GRM8: variants seen among roughly 807,000 people sequenced by gnomAD.
The protein encoded by GRM8 is glutamate metabotropic receptor 8, also known as metabotropic glutamate receptor 8.
Under a neutral mutation model 87.2 loss-of-function variants are expected in GRM8, and 47 were observed. The ratio of observed to expected loss-of-function variants is 0.54; its 90% CI spans 0.43 to 0.69. The LOEUF (loss-of-function observed/expected upper bound fraction) is 0.69, where lower values mean the gene tolerates loss of function less well. Ranked by LOEUF, GRM8 falls within the 30% of genes least tolerant of loss-of-function variation. The pLI is 0.00. For missense variants in GRM8, 1,019 were observed against 1,139.2 expected (o/e 0.89, Z 1.52); for synonymous variants, 396 against 404.5 (o/e 0.98, Z 0.25).
rs182926851 is a variant in GRM8, at chr7:127,156,533, T to C, written c.511-49821A>G. Among the ~76,000 whole-genome samples, 83 of 152,262 alleles carry C rather than the reference T, an allele frequency of 5.5e-4. 1 individual carries two copies. Among genetic ancestry groups the C allele is most frequent in the African/African-American group, 1.5e-3 (63 of 41,548 alleles). On this transcript the variant is annotated intron_variant, in intron 2 of 10. Transcript: ENST00000339582. Reference sequence around the variant, plus strand: ...TGCTAACCTCAAGTACAGGCTTTGGTGATATGAACTCTGTGTCCTGGGGCA... The same window carrying C: ...TGCTAACCTCAAGTACAGGCTTTGGCGATATGAACTCTGTGTCCTGGGGCA...
intron 3 of GRM8, among the ~76,000 whole-genome samples, chr7:126,933,359 T>G (rs1805962384): frequency 6.6e-6 from 1 of 152,214 alleles, no homozygotes; most frequent in Non-Finnish European, 1.5e-5. Flanking sequence ...GATTAAGGAT[T>G]GGATGAATGT....
intron 6 of GRM8, among the ~76,000 whole-genome samples, chr7:126,901,854 G>A (rs547193421): frequency 2.6e-5 from 4 of 151,820 alleles, no homozygotes; most frequent in East Asian, 1.9e-4. Flanking sequence ...TTTCTAATAC[G>A]TATATTAAAA....
intron 9 of GRM8, among the ~76,000 whole-genome samples, chr7:126,470,228 T>A (rs1232638348): frequency 6.6e-6 from 1 of 151,974 alleles, no homozygotes; most frequent in African/African-American, 2.4e-5. Context: ...TTAGGGTACA[T>A]GTGCACAATG....
chr7:126,611,534 G>T (rs1399561293), intron 7 of GRM8, among the ~76,000 whole-genome samples: 1 of 152,194 alleles, frequency 6.6e-6, no homozygotes, highest in Non-Finnish European at 1.5e-5. Context: ...AAACACGTAT[G>T]TTGAGAATTT....
intron 7 of GRM8, among the ~76,000 whole-genome samples, chr7:126,663,026 C>T (rs1409168282): frequency 6.6e-6 from 1 of 152,210 alleles, no homozygotes; most frequent in East Asian, 1.9e-4. Context: ...GACCACATGT[C>T]CTCATTTGTC....
chr7:126,959,024 A>T (rs180985084), intron 3 of GRM8, among the ~76,000 whole-genome samples: 1 of 152,322 alleles, frequency 6.6e-6, no homozygotes, highest in African/African-American at 2.4e-5. Context: ...CATGGAAAAA[A>T]TTTAACCTGG....
intron 3 of GRM8, among the ~76,000 whole-genome samples, chr7:127,052,758 T>G (rs1010458439): frequency 5.3e-5 from 8 of 152,300 alleles, no homozygotes; most frequent in African/African-American, 1.9e-4. Context: ...GCTTTTTCAA[T>G]GAAAGAAAGC....
At chr7:127,059,755 T>G (rs1431676885) in intron 3 of GRM8, among the ~76,000 whole-genome samples, 2 of 152,228 alleles carry the variant, frequency 1.3e-5, no homozygotes, top group Admixed American at 1.3e-4. Context: ...TGGAGTTTTC[T>G]TGTAGGAGCA....
At chr7:126,615,263 C>T (rs985528662) in intron 7 of GRM8, among the ~76,000 whole-genome samples, 13 of 152,084 alleles carry the variant, frequency 8.5e-5, no homozygotes, top group African/African-American at 3.1e-4. Context: ...AATTTCATAT[C>T]CAGCCAAACT....
intron 2 of GRM8, among the ~76,000 whole-genome samples, chr7:127,225,243 C>T (rs1013765196): frequency 1.3e-5 from 2 of 152,120 alleles, no homozygotes; most frequent in African/African-American, 2.4e-5. Flanking sequence ...AGGGATGAAC[C>T]CACCAGGCTT....
intron 6 of GRM8, among the ~76,000 whole-genome samples, chr7:126,772,999 T>G (rs1819013615): frequency 6.6e-6 from 1 of 152,136 alleles, no homozygotes; most frequent in South Asian, 2.1e-4. Flanking sequence ...GAATTGAATG[T>G]GTTCCTCCTG....
At chr7:126,758,322 G>A (rs1242691851) in intron 7 of GRM8, among the ~76,000 whole-genome samples, 1 of 152,066 alleles carries the variant, frequency 6.6e-6, no homozygotes, top group Non-Finnish European at 1.5e-5. Flanking sequence ...TATGAGCTAG[G>A]TATTATTATT....
Position 126,549,263 on chromosome 7 carries a change from A to AT in GRM8, c.1495-15377dup, listed in dbSNP as rs201080117. Among the ~76,000 whole-genome samples, 62 of 150,840 alleles carry AT rather than the reference A, an allele frequency of 4.1e-4. No individual in the cohort carries two copies. The East Asian group carries it at 4.9e-3, about 12-fold the overall frequency. On this transcript the variant is annotated intron_variant, in intron 8 of 10. Coordinates refer to ENST00000339582, the MANE Select transcript of GRM8 (RefSeq NM_000845.3). ...AATAAAATCAAAGATATGAGGAAAG[A>AT]TTTTTTTTTTCTGAAGAAACATCTG...
intron 3 of GRM8, among the ~76,000 whole-genome samples, chr7:126,951,731 A>G (rs576152015): frequency 9.6e-4 from 146 of 152,182 alleles, no homozygotes; most frequent in African/African-American, 3.4e-3. Context: ...ATGGAAAATA[A>G]GCAGATTTCT....
At chr7:126,986,647 A>G (rs1812101150) in intron 3 of GRM8, among the ~76,000 whole-genome samples, 1 of 152,222 alleles carries the variant, frequency 6.6e-6, no homozygotes, top group African/African-American at 2.4e-5. Flanking sequence ...ATACATTAAT[A>G]TACAGAAATA....
chr7:126,744,638 T>A (rs1815424905), intron 7 of GRM8, among the ~76,000 whole-genome samples: 1 of 152,070 alleles, frequency 6.6e-6, no homozygotes, highest in African/African-American at 2.4e-5. Context: ...TTTATTGAAC[T>A]GTCTCAGAAA....
At chr7:127,169,502 T>C (rs752914787) in intron 2 of GRM8, among the ~76,000 whole-genome samples, 2 of 152,208 alleles carry the variant, frequency 1.3e-5, no homozygotes, top group Non-Finnish European at 2.9e-5. Flanking sequence ...ATGTAGAAGC[T>C]GCAGCAAGTT....
chr7:126,441,790 CAGAT>C (rs3216282), intron 10 of GRM8, among the ~76,000 whole-genome samples: 51,894 of 151,544 alleles, frequency 0.34, 8,842 homozygotes, highest in Middle Eastern at 0.42. Context: ...AAAATTAACT[CAGAT>C]AGCCCTAAGA....
chr7:126,707,164 AAAG>A (rs1404226736), intron 7 of GRM8, among the ~76,000 whole-genome samples: 1 of 152,120 alleles, frequency 6.6e-6, no homozygotes, highest in East Asian at 1.9e-4. Context: ...TCTAATGAAA[AAAG>A]AAATCCTAAA....
Sources: gnomAD v4.1 joint callset for allele counts (sites outside exome capture counted in the v4.1 genomes callset) on GRCh38, gnomAD v4.1.1 for gene constraint, MANE v1.5 for transcripts, NCBI Gene and HGNC (gene_info 2026-07-23, HGNC 2026-07-21) for gene names.